The following CD101 variants were observed in gnomAD, a reference collection of about 807,000 sequenced individuals.
The protein encoded by CD101 is CD101 molecule, also known as immunoglobulin superfamily member 2.
CD101 carries 76 observed loss-of-function variants against 98.2 expected under a neutral mutation model. The ratio of observed to expected loss-of-function variants is 0.77; its 90% CI spans 0.64 to 0.94. CD101 has a LOEUF of 0.94. Ranked by LOEUF, CD101 falls within the 40% of genes least tolerant of loss-of-function variation. The probability of loss-of-function intolerance (pLI) is 0.00; values close to 1 mark genes in which losing one functional copy is unlikely to be tolerated. For synonymous variants in CD101, 471 were observed against 472.7 expected (o/e 1.00, Z 0.05); for missense variants, 1,145 against 1,218.8 (o/e 0.94, Z 0.90).
At position 117,006,189 on chromosome 1, in the gene CD101, G is replaced by A. The variant is rs925104611; in HGVS notation, c.44-3661G>A. On this transcript the variant is annotated intron_variant, in intron 1 of 9. Coordinates refer to ENST00000682167, the MANE Select transcript of CD101 (RefSeq NM_001256106.3). This position sits in a 1 kb window ranked among gnomAD's most constrained non-coding sequence, Gnocchi z 4.4. ...TTGATTTCTTCCTACCTCTCATCTCGCCATTTAACCCTGCTACTCCCAAGC... is the reference window on the plus strand; with the variant it reads ...TTGATTTCTTCCTACCTCTCATCTCACCATTTAACCCTGCTACTCCCAAGC... Among the ~76,000 whole-genome samples the A allele has an allele frequency of 8.6e-5, 13 of 151,824 alleles. 1 individual carries two copies. The highest frequency in any genetic ancestry group is 1.9e-4 in the East Asian group (1 of 5,160).
At position 117,011,982 on chromosome 1, in the gene CD101, C is replaced by T. The variant is rs200178415; in HGVS notation, c.841+16C>T. ...CAGCCAGCAGGTAATTATCTTCCTA[C>T]GAAATTCATTAATACACTAGTATTA... On this transcript the variant is annotated intron_variant, in intron 3 of 9. Coordinates refer to ENST00000682167, the MANE Select transcript of CD101 (RefSeq NM_001256106.3). 2.0e-5 allele frequency: 32 copies of T among 1,600,040 alleles called. No individual in the cohort carries two copies. In the East Asian group the frequency reaches 5.2e-4, roughly 26 times the overall value.
In CD101 at chr1:117,029,225, G is replaced by GA. The variant is rs1236375028; in HGVS notation, c.2824+3324dup. ...AAAGAAAAGAAAGAAAAGAAAGAAA[G>GA]AAAGAAAGAAAGAAAGAAAGAAAGA... On this transcript the variant is annotated intron_variant, in intron 8 of 9. Transcript: ENST00000682167. Among the ~76,000 whole-genome samples the GA allele has an allele frequency of 5.0e-4, 25 of 49,836 alleles. 1 individual carries two copies. Among genetic ancestry groups the GA allele is most frequent in the South Asian group, 2.7e-3 (4 of 1,468 alleles). The allele number at this position is 49,836 out of a possible 152,430, so 32.7% of individuals were successfully genotyped here.
intron 8 of CD101, among the ~76,000 whole-genome samples, chr1:117,029,244 A>AGAAAGAAC (rs1654263979): frequency 6.8e-6 from 1 of 147,110 alleles, no homozygotes; most frequent in African/African-American, 2.7e-5. Context: ...AAAGAAAGAA[A>AGAAAGAAC]GAAAGAAAGA....
rs1557779097 is a variant in CD101 at position 117,029,222 on chromosome 1, AAAGAAAGAAAGAAAG to A, written c.2824+3321_2824+3335del. Among the ~76,000 whole-genome samples the A allele has an allele frequency of 6.7e-3, 347 of 51,894 alleles. 12 individuals are homozygous for A. The highest frequency in any genetic ancestry group is 0.023 in the African/African-American group (271 of 11,576). The allele number at this position is 51,894 out of a possible 152,430, so 34.0% of individuals were successfully genotyped here. On this transcript the variant is annotated intron_variant, in intron 8 of 9. Coordinates refer to ENST00000682167, the MANE Select transcript of CD101 (RefSeq NM_001256106.3). ...AAGAAAGAAAAGAAAGAAAAGAAAG[AAAGAAAGAAAGAAAG>A]AAAGAAAGAAAGAAAGAAAGAAAGA...
chr1:117,017,398 G>A lies in CD101; in HGVS notation c.1537G>A (p.Val513Ile), dbSNP rs758211724. The change falls in exon 5 of 10, where the codon GTA becomes ATA. Residue 513 changes from valine to isoleucine, a missense_variant. Transcript: ENST00000682167. ...ITDSGTYECR[V>I]SEKSRNQARD... Reference sequence around the variant, plus strand: ...AGACAGTGGCACATATGAGTGCAGAGTATCTGAGAAGTCTCGGAACCAGGC... The same window carrying A: ...AGACAGTGGCACATATGAGTGCAGAATATCTGAGAAGTCTCGGAACCAGGC... 6.2e-7 allele frequency: 1 copy of A among 1,614,256 alleles called. No individual in the cohort carries two copies. The highest frequency in any genetic ancestry group is 8.5e-7 in the Non-Finnish European group (1 of 1,180,042).
At chr1:117,016,289 G>C (rs1653215684) in intron 4 of CD101, among the ~76,000 whole-genome samples, 2 of 150,990 alleles carry the variant, frequency 1.3e-5, no homozygotes, top group African/African-American at 4.9e-5. Context: ...ATTGTGAACA[G>C]AGATATAATT....
At chr1:117,031,822 G>A (rs1330779128) in intron 8 of CD101, among the ~76,000 whole-genome samples, 1 of 152,204 alleles carries the variant, frequency 6.6e-6, no homozygotes, top group Non-Finnish European at 1.5e-5. Context: ...GTCAATAACA[G>A]CACATTGAAG....
At chr1:117,016,232 T>C (rs1653212743) in intron 4 of CD101, among the ~76,000 whole-genome samples, 1 of 148,358 alleles carries the variant, frequency 6.7e-6, no homozygotes, top group South Asian at 2.1e-4. Flanking sequence ...AATGTATATG[T>C]ATATATACAC....
chr1:117,029,049 A>C (rs1289923902), intron 8 of CD101, among the ~76,000 whole-genome samples: 2 of 151,494 alleles, frequency 1.3e-5, no homozygotes, highest in African/African-American at 4.9e-5. Flanking sequence ...AAAGAAAAGA[A>C]AGAAAGAGAG....
At position 117,019,476 on chromosome 1, in the gene CD101, C is replaced by T. The variant is rs1330421188; in HGVS notation, c.2017+916C>T. On this transcript the variant is annotated intron_variant, in intron 6 of 9. Transcript: ENST00000682167. This position sits in a 1 kb window ranked among gnomAD's most constrained non-coding sequence, Gnocchi z 4.3. ...TCTCTGTGGTATTTGCAATTGCTGC[C>T]CCAATCTGTCTTCTTGAAACTTCTT... 6.6e-6 allele frequency among the ~76,000 whole-genome samples: 1 copy of T among 152,062 alleles called. No homozygotes were observed. Among genetic ancestry groups the T allele is most frequent in the Non-Finnish European group, 1.5e-5 (1 of 68,014 alleles).
rs769858951 is a variant in CD101, at chr1:117,033,331, G to T, written c.2825-529G>T. On this transcript the variant is annotated intron_variant, in intron 8 of 9. Coordinates refer to ENST00000682167, the MANE Select transcript of CD101 (RefSeq NM_001256106.3). This position sits in a 1 kb window ranked among gnomAD's most constrained non-coding sequence, Gnocchi z 4.8. Reference sequence around the variant, plus strand: ...GGAGGAGACCCACAGGGAGGGCCAGGCTTGGGTCAGCGGGGGTAGGGGCTT... The same window carrying T: ...GGAGGAGACCCACAGGGAGGGCCAGTCTTGGGTCAGCGGGGGTAGGGGCTT... Among the ~76,000 whole-genome samples the T allele has an allele frequency of 2.0e-5, 3 of 152,186 alleles. No individual in the cohort carries two copies. The highest frequency in any genetic ancestry group is 6.5e-5 in the Admixed American group (1 of 15,276).
chr1:117,002,584 G>A (rs1652295994), intron 1 of CD101, among the ~76,000 whole-genome samples: 1 of 152,124 alleles, frequency 6.6e-6, no homozygotes, highest in Non-Finnish European at 1.5e-5. Flanking sequence ...TTAACATCTG[G>A]TAAAGAGAAT....
In CD101 at chr1:117,017,302, C is replaced by T. The variant is rs966899916; in HGVS notation, c.1441C>T (p.His481Tyr). 2 of 1,614,132 alleles carry T rather than the reference C, an allele frequency of 1.2e-6. No homozygotes were observed. Among genetic ancestry groups the T allele is most frequent in the South Asian group, 1.1e-5 (1 of 91,088 alleles). Reference protein sequence around the residue: ...LGASYGVPSYHGNTRLEKMDW... With the variant: ...LGASYGVPSYYGNTRLEKMDW... ...TGCCTCCTATGGGGTACCCAGTTAC[C>T]ATGGCAACACAAGGCTGGAGAAAAT... Residue 481 changes from histidine to tyrosine, a missense_variant, in exon 5 of 10, where the codon CAT (histidine) becomes TAT (tyrosine). Transcript: ENST00000682167.
chr1:117,007,037 T>C (rs560598029), intron 1 of CD101, among the ~76,000 whole-genome samples: 81 of 152,296 alleles, frequency 5.3e-4, no homozygotes, highest in Admixed American at 6.5e-4. Context: ...TAACATTGTT[T>C]GTAGAAACAT....
In CD101 at chr1:117,029,226, AAAG is replaced by A. The variant is rs1557779127; in HGVS notation, c.2824+3325_2824+3327del. The stretch of plus-strand genomic sequence containing the variant: ...AAGAAAAGAAAGAAAAGAAAGAAAG[AAAG>A]AAAGAAAGAAAGAAAGAAAGAAAGA... On this transcript the variant is annotated intron_variant, in intron 8 of 9. Transcript: ENST00000682167. Among the ~76,000 whole-genome samples the A allele has an allele frequency of 6.0e-3, 349 of 58,016 alleles. 15 individuals are homozygous for A. The highest frequency in any genetic ancestry group is 6.7e-3 in the East Asian group (14 of 2,098). 38.1% of individuals were successfully genotyped at this position (58,016 alleles called of 152,430 possible). A position where few individuals can be genotyped will look rare whatever the true frequency, so the allele number is the denominator to read the frequency against.
intron 8 of CD101, chr1:117,032,349 A>T (rs559450866): frequency 1.3e-5 from 2 of 152,196 alleles, no homozygotes; most frequent in Non-Finnish European, 2.9e-5. Context: ...GTGAACAAAG[A>T]GTTGAGGAAG....
At position 117,025,898 on chromosome 1, in the gene CD101, C is replaced by T; in HGVS notation, c.2818C>T (p.Pro940Ser). The change falls in exon 8 of 10, where the codon CCT becomes TCT. Residue 940 changes from proline (P) to serine (S), a missense_variant. Transcript: ENST00000682167. ...ACAGCGGATGGTGCTCACGGTGCTG[C>T]CTTCAGGTAACCAGGGGTTTATCTA... The part of the protein sequence containing the change: ...ESQRMVLTVL[P>S]SEPTLPSRIC... The T allele has an allele frequency of 6.2e-7, 1 of 1,604,428 alleles. No homozygotes were observed.
intron 6 of CD101, among the ~76,000 whole-genome samples, chr1:117,020,181 G>T (rs1434252436): frequency 1.3e-5 from 2 of 152,088 alleles, no homozygotes; most frequent in African/African-American, 4.8e-5. Flanking sequence ...TGGGCTAGGA[G>T]ACCCTGCTGT....
In CD101 at chr1:117,029,234, AAAG is replaced by A. The variant is rs1175465784; in HGVS notation, c.2824+3333_2824+3335del. ...AAAGAAAAGAAAGAAAGAAAGAAAG[AAAG>A]AAAGAAAGAAAGAAAGAAAGAAAGA... On this transcript the variant is annotated intron_variant, in intron 8 of 9. Transcript: ENST00000682167. 5.6e-4 allele frequency among the ~76,000 whole-genome samples: 66 copies of A among 118,824 alleles called. 1 individual carries two copies. Among genetic ancestry groups the A allele is most frequent in the African/African-American group, 1.7e-3 (45 of 27,246 alleles). 78.0% of individuals were successfully genotyped at this position (118,824 alleles called of 152,430 possible). A position where few individuals can be genotyped will look rare whatever the true frequency, so the allele number is the denominator to read the frequency against.
Sources: allele counts gnomAD v4.1 joint callset (sites outside exome capture counted in the v4.1 genomes callset), GRCh38; gene constraint gnomAD v4.1.1; non-coding constraint Gnocchi (gnomAD v3.1); transcripts MANE v1.5; gene names NCBI Gene and HGNC (gene_info 2026-07-23, HGNC 2026-07-21).